Variants in KCNMA1 observed in about 807,000 individuals in gnomAD.
KCNMA1 encodes potassium calcium-activated channel subfamily M alpha 1, also known as Calcium-activated potassium channel subunit alpha-1.
KCNMA1 carries 29 observed loss-of-function variants against 140.0 expected under a neutral mutation model. The ratio of observed to expected loss-of-function variants is 0.21; its 90% CI spans 0.15 to 0.28. The LOEUF (loss-of-function observed/expected upper bound fraction) is 0.28, where lower values mean the gene tolerates loss of function less well. KCNMA1 is among the 10% of genes least tolerant of loss of function. The probability of loss-of-function intolerance (pLI) is 1.00; values close to 1 mark genes in which losing one functional copy is unlikely to be tolerated. For missense variants in KCNMA1, 880 were observed against 1,602.2 expected (o/e 0.55, Z 7.70); for synonymous variants, 612 against 611.9 (o/e 1.00, Z 0.00).
intron 23 of KCNMA1, among the ~76,000 whole-genome samples, chr10:76,920,035 TATATATATATATATATAC>T (rs370462620): frequency 0.013 from 1,533 of 116,556 alleles, 72 homozygotes; most frequent in African/African-American, 0.039. Context: ...TATATATATA[TATATATATATATATATAC>T]ACACAATATT....
intron 1 of KCNMA1, among the ~76,000 whole-genome samples, chr10:77,465,443 A>G (rs1435613534): frequency 1.3e-5 from 2 of 152,192 alleles, no homozygotes; most frequent in South Asian, 2.1e-4. Flanking sequence ...CTGGTATTAC[A>G]GAAATACTCA....
chr10:77,164,272 G>C (rs1281270789), intron 5 of KCNMA1, among the ~76,000 whole-genome samples: 2 of 152,170 alleles, frequency 1.3e-5, no homozygotes, highest in Non-Finnish European at 2.9e-5. Flanking sequence ...GAGTATACCT[G>C]GGGGTTTTAG....
At chr10:77,137,336 T>A (rs2098065409) in intron 5 of KCNMA1, among the ~76,000 whole-genome samples, 2 of 152,212 alleles carry the variant, frequency 1.3e-5, no homozygotes, top group African/African-American at 4.8e-5. Flanking sequence ...AAGGTTCCAA[T>A]AAACGTCTGT....
At chr10:77,248,367 A>T (rs1170324305) in intron 3 of KCNMA1, among the ~76,000 whole-genome samples, 6 of 152,040 alleles carry the variant, frequency 3.9e-5, no homozygotes, top group African/African-American at 1.4e-4. Flanking sequence ...TCTGGAGGGG[A>T]GGGGCAGCTC....
At chr10:77,567,014 A>G (rs1341627448) in intron 1 of KCNMA1, among the ~76,000 whole-genome samples, 1 of 152,054 alleles carries the variant, frequency 6.6e-6, no homozygotes, top group African/African-American at 2.4e-5. Flanking sequence ...CCTACTCAAG[A>G]CCTTCCCAGT....
chr10:76,931,606 A>T (rs1035807484), intron 23 of KCNMA1, among the ~76,000 whole-genome samples: 1 of 151,812 alleles, frequency 6.6e-6, no homozygotes, highest in African/African-American at 2.4e-5. Flanking sequence ...GAAGGGTGTC[A>T]CTTCACCAAC....
intron 1 of KCNMA1, among the ~76,000 whole-genome samples, chr10:77,485,188 G>T (rs954093604): frequency 2.0e-5 from 3 of 152,150 alleles, no homozygotes; most frequent in Admixed American, 6.5e-5. Flanking sequence ...CCACTCCCAC[G>T]TGTGTATTTG....
intron 9 of KCNMA1, among the ~76,000 whole-genome samples, chr10:77,100,263 C>T (rs933663345): frequency 3.9e-5 from 6 of 152,164 alleles, no homozygotes; most frequent in African/African-American, 1.2e-4. Flanking sequence ...GTTCTATACA[C>T]TAGCTGACAT....
chr10:77,377,336 TG>T (rs1566399708), intron 2 of KCNMA1, among the ~76,000 whole-genome samples: 1 of 152,182 alleles, frequency 6.6e-6, no homozygotes, highest in East Asian at 1.9e-4. Context: ...AGATGACCTC[TG>T]GGGGATTCCT....
chr10:77,028,478 T>C (rs930539581), intron 15 of KCNMA1, among the ~76,000 whole-genome samples: 7 of 152,070 alleles, frequency 4.6e-5, no homozygotes, highest in Admixed American at 4.6e-4. Flanking sequence ...GGCTGGCTTG[T>C]TCCTGTTTCC....
rs181028982 is a variant in KCNMA1, at chr10:77,307,998, G to A, written c.541-56742C>T. Reference sequence around the variant, plus strand: ...TGCCATTGTTGTCTAATAATTGCATGTTCATTAACCTGTTTTCCAAAAAGA... The same window carrying A: ...TGCCATTGTTGTCTAATAATTGCATATTCATTAACCTGTTTTCCAAAAAGA... On this transcript the variant is annotated intron_variant, in intron 2 of 27. Coordinates refer to ENST00000286628, the MANE Select transcript of KCNMA1 (RefSeq NM_001161352.2). Among the ~76,000 whole-genome samples, 378 of 152,318 alleles carry A rather than the reference G, an allele frequency of 2.5e-3. 2 individuals are homozygous for A. The highest frequency in any genetic ancestry group is 8.9e-3 in the African/African-American group (368 of 41,572).
chr10:77,590,528 C>G (rs960868881), intron 1 of KCNMA1, among the ~76,000 whole-genome samples: 1 of 152,250 alleles, frequency 6.6e-6, no homozygotes, highest in South Asian at 2.1e-4. Context: ...CGCGCTGGCC[C>G]GCAAGCACCG....
At chr10:77,016,967 G>A (rs1000371879) in intron 17 of KCNMA1, among the ~76,000 whole-genome samples, 16 of 151,884 alleles carry the variant, frequency 1.1e-4, no homozygotes, top group Non-Finnish European at 2.2e-4. Context: ...CCTTTCTGTG[G>A]TTTTTTGCAG....
chr10:77,449,082 G>GAAA (rs373023965), intron 1 of KCNMA1, among the ~76,000 whole-genome samples: 35 of 121,606 alleles, frequency 2.9e-4, no homozygotes, highest in African/African-American at 6.3e-4. Flanking sequence ...GCAAGACTCC[G>GAAA]AAAAAAAAAA....
chr10:77,014,340 C>G (rs557466220), intron 17 of KCNMA1, among the ~76,000 whole-genome samples: 1 of 151,496 alleles, frequency 6.6e-6, no homozygotes, highest in Non-Finnish European at 1.5e-5. Context: ...GCAGGAGAAT[C>G]GCTTGAATCC....
At chr10:77,565,872 G>A (rs1476628599) in intron 1 of KCNMA1, among the ~76,000 whole-genome samples, 1 of 151,666 alleles carries the variant, frequency 6.6e-6, no homozygotes, top group African/African-American at 2.4e-5. Flanking sequence ...ATCCCCCTGA[G>A]ATCCCCACAT....
At chr10:77,448,025 T>C (rs961544875) in intron 1 of KCNMA1, among the ~76,000 whole-genome samples, 2 of 152,234 alleles carry the variant, frequency 1.3e-5, no homozygotes, top group Non-Finnish European at 2.9e-5. Flanking sequence ...CAAGGGGATG[T>C]TCAGTGAATG....
rs61269933 is a variant in KCNMA1 at position 77,481,774 on chromosome 10, C to CA, written c.379-77752dup. On this transcript the variant is annotated intron_variant, in intron 1 of 27. Coordinates refer to ENST00000286628, the MANE Select transcript of KCNMA1 (RefSeq NM_001161352.2). ...TGGGCAACAGAGAGAGACTCTGTCT[C>CA]AAAAAAAAAAAAAAAAAGAAAGAAA... 2.4e-3 allele frequency among the ~76,000 whole-genome samples: 325 copies of CA among 132,776 alleles called. 1 individual carries two copies. Among genetic ancestry groups the CA allele is most frequent in the South Asian group, 6.1e-3 (26 of 4,264 alleles). The allele number at this position is 132,776 out of a possible 152,430, so 87.1% of individuals were successfully genotyped here.
chr10:77,278,728 G>A (rs772203015), intron 2 of KCNMA1, among the ~76,000 whole-genome samples: 11 of 152,190 alleles, frequency 7.2e-5, no homozygotes, highest in East Asian at 3.8e-4. Flanking sequence ...ATGACGATTC[G>A]TTAAAGAATA....
Sources: allele counts gnomAD v4.1 joint callset (sites outside exome capture counted in the v4.1 genomes callset), GRCh38; gene constraint gnomAD v4.1.1; transcripts MANE v1.5; gene names NCBI Gene and HGNC (gene_info 2026-07-23, HGNC 2026-07-21).